The following TMEM132D variants were observed in gnomAD, a reference collection of about 807,000 sequenced individuals.
The protein encoded by TMEM132D is transmembrane protein 132D, also known as mature OL transmembrane protein.
A neutral mutation model predicts 62.3 loss-of-function variants in TMEM132D; 21 were observed. The observed-to-expected ratio is 0.34, with a 90% CI of 0.24 to 0.49. The LOEUF (loss-of-function observed/expected upper bound fraction) is 0.49, where lower values mean the gene tolerates loss of function less well. Ranked by LOEUF, TMEM132D falls within the 20% of genes least tolerant of loss-of-function variation. The pLI is 0.99. For missense variants in TMEM132D, 1,346 were observed against 1,402.8 expected (o/e 0.96, Z 0.65); for synonymous variants, 621 against 575.6 (o/e 1.08, Z -1.13).
At chr12:129,842,358 C>T (rs1413036701) in intron 1 of TMEM132D, among the ~76,000 whole-genome samples, 1 of 152,194 alleles carries the variant, frequency 6.6e-6, no homozygotes, top group East Asian at 1.9e-4. Flanking sequence ...GTGGTTTAAA[C>T]GCTGGCATTC....
chr12:129,293,307 G>A (rs971949949), intron 4 of TMEM132D, among the ~76,000 whole-genome samples: 22 of 152,092 alleles, frequency 1.4e-4, no homozygotes, highest in East Asian at 3.9e-4. Flanking sequence ...AAAGCCAGAC[G>A]GACACCTGGG....
At chr12:129,399,656 C>G (rs1211600846) in intron 3 of TMEM132D, among the ~76,000 whole-genome samples, 1 of 144,342 alleles carries the variant, frequency 6.9e-6, no homozygotes, top group Non-Finnish European at 1.5e-5. Context: ...AAAAAAAATT[C>G]CAGTAAGATT....
At chr12:129,831,876 C>CTTTCTT (rs1872846316) in intron 1 of TMEM132D, among the ~76,000 whole-genome samples, 2 of 134,898 alleles carry the variant, frequency 1.5e-5, no homozygotes, top group African/African-American at 5.5e-5. Flanking sequence ...CTTTCTTTTT[C>CTTTCTT]TTTTTTTTTT....
At chr12:129,621,823 A>G (rs1234355936) in intron 2 of TMEM132D, among the ~76,000 whole-genome samples, 1 of 152,160 alleles carries the variant, frequency 6.6e-6, no homozygotes, top group Non-Finnish European at 1.5e-5. Context: ...GCAGGTTTCG[A>G]ACCCAGGTGG....
intron 3 of TMEM132D, among the ~76,000 whole-genome samples, chr12:129,443,844 T>A (rs547800526): frequency 6.6e-6 from 1 of 152,294 alleles, no homozygotes; most frequent in South Asian, 2.1e-4. Context: ...TAATGATTGT[T>A]TTTTGGTATG....
At chr12:129,646,145 C>G (rs953208421) in intron 2 of TMEM132D, among the ~76,000 whole-genome samples, 3 of 152,126 alleles carry the variant, frequency 2.0e-5, no homozygotes, top group African/African-American at 7.2e-5. Flanking sequence ...AAGCCAAAAA[C>G]CCACTTGGCT....
chr12:129,722,120 G>A (rs770515452), intron 1 of TMEM132D, among the ~76,000 whole-genome samples: 3 of 152,158 alleles, frequency 2.0e-5, no homozygotes, highest in Non-Finnish European at 4.4e-5. Context: ...TAGGTCCCAC[G>A]CTGCTTTTCC....
At chr12:129,842,603 G>A (rs914167387) in intron 1 of TMEM132D, among the ~76,000 whole-genome samples, 1 of 151,808 alleles carries the variant, frequency 6.6e-6, no homozygotes, top group African/African-American at 2.4e-5. Flanking sequence ...TGAGGAGCTG[G>A]GACTACAGGC....
intron 4 of TMEM132D, among the ~76,000 whole-genome samples, chr12:129,249,538 A>ACATT (rs1251220181): frequency 2.6e-5 from 4 of 152,190 alleles, no homozygotes; most frequent in East Asian, 1.9e-4. Flanking sequence ...GGTAAGGTTG[A>ACATT]CATTCATTCA....
intron 2 of TMEM132D, among the ~76,000 whole-genome samples, chr12:129,597,723 T>C (rs148133747): frequency 6.6e-6 from 1 of 152,296 alleles, no homozygotes; most frequent in African/African-American, 2.4e-5. Context: ...AACCATAACA[T>C]AGCATTTAGA....
intron 5 of TMEM132D, among the ~76,000 whole-genome samples, chr12:129,126,778 A>G (rs1471557858): frequency 6.6e-6 from 1 of 152,228 alleles, no homozygotes; most frequent in African/African-American, 2.4e-5. Context: ...TATTGCTAGC[A>G]TAGAATTGAT....
intron 4 of TMEM132D, among the ~76,000 whole-genome samples, chr12:129,276,539 CAA>C (rs1881012497): frequency 6.6e-6 from 1 of 152,162 alleles, no homozygotes; most frequent in Admixed American, 6.5e-5. Flanking sequence ...AGCAAGCTAT[CAA>C]AGTCTGTTTC....
At chr12:129,092,653 G>T (rs143767880) in intron 5 of TMEM132D, among the ~76,000 whole-genome samples, 1 of 152,048 alleles carries the variant, frequency 6.6e-6, no homozygotes, top group Non-Finnish European at 1.5e-5. Context: ...TGAGACTCGC[G>T]CCATTTTACT....
intron 6 of TMEM132D, 36 bp downstream of exon 6, chr12:129,084,461 C>T (rs2135619307): frequency 1.3e-6 from 2 of 1,555,098 alleles, no homozygotes; most frequent in Admixed American, 1.9e-5. Context: ...TACACTTCCT[C>T]CTTAGCCTGC....
chr12:129,620,624 T>C (rs1316146262), intron 2 of TMEM132D, among the ~76,000 whole-genome samples: 1 of 152,136 alleles, frequency 6.6e-6, no homozygotes, highest in Admixed American at 6.5e-5. Context: ...ATATACACCA[T>C]GGAATACTAT....
chr12:129,592,990 G>A (rs752098429), intron 2 of TMEM132D, among the ~76,000 whole-genome samples: 1 of 152,106 alleles, frequency 6.6e-6, no homozygotes, highest in Non-Finnish European at 1.5e-5. Context: ...GACACAGGAG[G>A]GTGGACACCT....
At chr12:129,450,552 T>A (rs1388323882) in intron 3 of TMEM132D, among the ~76,000 whole-genome samples, 30 of 152,060 alleles carry the variant, frequency 2.0e-4, no homozygotes, top group Non-Finnish European at 4.4e-4. Flanking sequence ...TAAAATGCAC[T>A]CTAGTTTCAA....
chr12:129,176,004 A>G (rs1158731888), intron 5 of TMEM132D, among the ~76,000 whole-genome samples: 3 of 152,134 alleles, frequency 2.0e-5, no homozygotes, highest in Admixed American at 2.0e-4. Context: ...TAATTCCAAC[A>G]TATGTGTGCT....
At chr12:129,303,690 C>G (rs551228829) in intron 4 of TMEM132D, among the ~76,000 whole-genome samples, 33 of 152,140 alleles carry the variant, frequency 2.2e-4, no homozygotes, top group African/African-American at 7.0e-4. Flanking sequence ...CAGATGTGTA[C>G]GAGAAGATTT....
Sources: allele counts gnomAD v4.1 joint callset (sites outside exome capture counted in the v4.1 genomes callset), GRCh38; gene constraint gnomAD v4.1.1; transcripts MANE v1.5; gene names NCBI Gene and HGNC (gene_info 2026-07-23, HGNC 2026-07-21).